Variants in ARHGAP42 observed in about 807,000 individuals in gnomAD.
ARHGAP42 encodes the protein Rho GTPase activating protein 42, also known as rho GTPase-activating protein 42.
A neutral mutation model predicts 125.0 loss-of-function variants in ARHGAP42; 63 were observed. That is an observed-to-expected ratio of 0.50 (90% CI 0.41 to 0.62). The LOEUF is 0.62. Among genes scored for constraint, ARHGAP42 ranks in the 20% least tolerant of loss-of-function variants. The pLI is 0.00. For synonymous variants in ARHGAP42, 339 were observed against 351.0 expected (o/e 0.97, Z 0.38); for missense variants, 766 against 1,024.2 (o/e 0.75, Z 3.44).
intron 1 of ARHGAP42, among the ~76,000 whole-genome samples, chr11:100,707,394 A>T (rs1374372287): frequency 6.6e-6 from 1 of 152,228 alleles, no homozygotes; most frequent in Admixed American, 6.5e-5. Flanking sequence ...CCAAGTATAT[A>T]TTTAAATTAA....
intron 5 of ARHGAP42, among the ~76,000 whole-genome samples, chr11:100,921,041 T>A (rs1473811605): frequency 6.6e-6 from 1 of 151,608 alleles, no homozygotes; most frequent in Non-Finnish European, 1.5e-5. Flanking sequence ...CTCTACTTTT[T>A]CAGGAAAACG....
chr11:100,955,741 A>G (rs1312492168), intron 12 of ARHGAP42, among the ~76,000 whole-genome samples: 2 of 152,116 alleles, frequency 1.3e-5, no homozygotes, highest in African/African-American at 4.8e-5. Flanking sequence ...TTAATGGTGC[A>G]ATTTGATTTA....
chr11:100,811,904 A>G (rs1392628661), intron 3 of ARHGAP42, among the ~76,000 whole-genome samples: 1 of 152,058 alleles, frequency 6.6e-6, no homozygotes, highest in Non-Finnish European at 1.5e-5. Context: ...ACACTTAAAA[A>G]CTGCTGCCAA....
At chr11:100,936,450 C>A in intron 8 of ARHGAP42, 118 bp downstream of exon 8, 2 of 1,329,498 alleles carry the variant, frequency 1.5e-6, no homozygotes, top group Non-Finnish European at 2.0e-6. Context: ...AGCTTTATAT[C>A]TACTTTCCCC....
At chr11:100,872,005 A>G (rs1865708171) in intron 4 of ARHGAP42, among the ~76,000 whole-genome samples, 1 of 152,168 alleles carries the variant, frequency 6.6e-6, no homozygotes, top group Non-Finnish European at 1.5e-5. Context: ...AGCCTCCCCA[A>G]GTGCTGGGAT....
At chr11:100,949,146 G>A (rs1454149871) in intron 11 of ARHGAP42, among the ~76,000 whole-genome samples, 1 of 152,016 alleles carries the variant, frequency 6.6e-6, no homozygotes, top group Non-Finnish European at 1.5e-5. Context: ...AACACACAGA[G>A]GAAATAAGAG....
chr11:100,859,640 T>G lies in ARHGAP42; in HGVS notation c.384+15T>G. On this transcript the variant is annotated intron_variant, in intron 4 of 23. Coordinates refer to ENST00000298815, the MANE Select transcript of ARHGAP42 (RefSeq NM_152432.4). Reference sequence around the variant, plus strand: ...GTGCAGCAAAAGTAAGTGTTACATTTTATTATTCTTCAGTTATTCTCCTGA... The same window carrying G: ...GTGCAGCAAAAGTAAGTGTTACATTGTATTATTCTTCAGTTATTCTCCTGA... 2.1e-6 allele frequency: 3 copies of G among 1,448,064 alleles called. No homozygotes were observed. Among genetic ancestry groups the G allele is most frequent in the Non-Finnish European group, 2.7e-6 (3 of 1,093,132 alleles). 89.7% of individuals were successfully genotyped at this position (1,448,064 alleles called of 1,614,324 possible).
chr11:100,875,011 A>G (rs1256332713), intron 4 of ARHGAP42, among the ~76,000 whole-genome samples: 1 of 151,436 alleles, frequency 6.6e-6, no homozygotes. Flanking sequence ...CCTGATTTGC[A>G]AATGTTAATT....
intron 2 of ARHGAP42, among the ~76,000 whole-genome samples, chr11:100,773,825 ATTTTAATGC>A (rs1169399820): frequency 1.3e-5 from 2 of 152,184 alleles, no homozygotes; most frequent in Non-Finnish European, 2.9e-5. Flanking sequence ...ATTACATTAA[ATTTTAATGC>A]TATGTGGGCT....
rs111761312 is a variant in ARHGAP42, at chr11:100,801,561, C to G, written c.312+6395C>G. On this transcript the variant is annotated intron_variant, in intron 3 of 23. Transcript: ENST00000298815. ...ACATGGGTTTTAGAAATGGAACTTC[C>G]TCTTGTCTCCTTCTAACTTTAAATA... Among the ~76,000 whole-genome samples the G allele has an allele frequency of 4.9e-3, 745 of 152,244 alleles. 3 individuals carry two copies. Among genetic ancestry groups the G allele is most frequent in the Middle Eastern group, 0.014 (4 of 292 alleles).
At chr11:100,743,908 T>G (rs1483278882) in intron 1 of ARHGAP42, among the ~76,000 whole-genome samples, 3 of 152,214 alleles carry the variant, frequency 2.0e-5, no homozygotes, top group African/African-American at 7.2e-5. Flanking sequence ...CCCAAATGTG[T>G]CTTTCATTTC....
chr11:100,942,233 A>G (rs2186785), intron 9 of ARHGAP42, among the ~76,000 whole-genome samples: 22,616 of 152,016 alleles, frequency 0.15, 1,902 homozygotes, highest in East Asian at 0.25. Context: ...AACAGGCTCA[A>G]GGATTCTGTA....
At chr11:100,938,013 G>A (rs996030919) in intron 8 of ARHGAP42, among the ~76,000 whole-genome samples, 2 of 151,198 alleles carry the variant, frequency 1.3e-5, no homozygotes, top group Non-Finnish European at 2.9e-5. Context: ...GGTCATTCTA[G>A]ACTGATGATA....
intron 4 of ARHGAP42, among the ~76,000 whole-genome samples, chr11:100,871,876 T>C (rs1207482984): frequency 6.6e-6 from 1 of 152,210 alleles, no homozygotes; most frequent in Non-Finnish European, 1.5e-5. Flanking sequence ...CCTGAGTAGC[T>C]GGGATTACAG....
intron 4 of ARHGAP42, among the ~76,000 whole-genome samples, chr11:100,878,625 G>A (rs1039007974): frequency 6.6e-6 from 1 of 152,154 alleles, no homozygotes; most frequent in Non-Finnish European, 1.5e-5. Flanking sequence ...CTCATTTGAG[G>A]TCATAAAAGT....
chr11:100,992,392 A>C lies in ARHGAP42; in HGVS notation c.*3591A>C, dbSNP rs1268522564. 1 of 1,614,096 alleles carries C rather than the reference A, an allele frequency of 6.2e-7. No individual in the cohort carries two copies. Among genetic ancestry groups the C allele is most frequent in the South Asian group, 1.1e-5 (1 of 91,074 alleles). On this transcript the variant is annotated 3_prime_UTR_variant, in exon 24 of 24. Coordinates refer to ENST00000298815, the MANE Select transcript of ARHGAP42 (RefSeq NM_152432.4). ...AAGAACACAGGCTTGACTATTGTCC[A>C]GAAGTTACTTTCCCCTTGACTAAAG...
intron 4 of ARHGAP42, among the ~76,000 whole-genome samples, chr11:100,894,280 G>T (rs1458752521): frequency 2.0e-5 from 3 of 152,172 alleles, no homozygotes; most frequent in Admixed American, 1.3e-4. Context: ...ACTTTCATGA[G>T]CTGTGTGAGT....
intron 1 of ARHGAP42, among the ~76,000 whole-genome samples, chr11:100,724,818 G>A (rs928916435): frequency 1.4e-5 from 2 of 142,576 alleles, no homozygotes; most frequent in African/African-American, 5.4e-5. Context: ...TTATTGGTTT[G>A]TGCCCTACTT....
At chr11:100,951,487 G>T (rs1857649156) in intron 12 of ARHGAP42, among the ~76,000 whole-genome samples, 1 of 152,102 alleles carries the variant, frequency 6.6e-6, no homozygotes, top group South Asian at 2.1e-4. Flanking sequence ...TTTGATTGTT[G>T]ATATGCACTA....
Sources: gnomAD v4.1 joint callset for allele counts (sites outside exome capture counted in the v4.1 genomes callset) on GRCh38, gnomAD v4.1.1 for gene constraint, MANE v1.5 for transcripts, NCBI Gene and HGNC (gene_info 2026-07-23, HGNC 2026-07-21) for gene names.